Variants in DIAPH3 observed in about 807,000 individuals in gnomAD.
DIAPH3 encodes the protein diaphanous related formin 3.
A neutral mutation model predicts 144.3 loss-of-function variants in DIAPH3; 117 were observed. The ratio of observed to expected loss-of-function variants is 0.81; its 90% confidence interval spans 0.70 to 0.95. DIAPH3 has a LOEUF of 0.95. DIAPH3 is among the 40% of genes least tolerant of loss of function. DIAPH3 has a pLI of 0.00. For missense variants in DIAPH3, 1,421 were observed against 1,412.7 expected, an observed-to-expected ratio of 1.01 and a Z score of -0.09; for synonymous variants, 519 against 488.9, an observed-to-expected ratio of 1.06 and a Z score of -0.81.
intron 27 of DIAPH3, among the ~76,000 whole-genome samples, chr13:59,772,858 A>T (rs946095471): frequency 2.0e-5 from 3 of 152,082 alleles, no homozygotes; most frequent in Non-Finnish European, 4.4e-5. Context: ...ACATATACGA[A>T]ATCAAAAAAG....
intron 25 of DIAPH3, among the ~76,000 whole-genome samples, chr13:59,808,129 G>A (rs2040288283): frequency 6.6e-6 from 1 of 151,150 alleles, no homozygotes; most frequent in South Asian, 2.1e-4. Context: ...AAACTTAAAG[G>A]TGACAGAAAA....
At chr13:59,683,683 G>C (rs2033065012) in intron 27 of DIAPH3, among the ~76,000 whole-genome samples, 1 of 152,184 alleles carries the variant, frequency 6.6e-6, no homozygotes, top group Admixed American at 6.5e-5. Flanking sequence ...TTTATAACCA[G>C]AAGTCCTGAG....
intron 12 of DIAPH3, among the ~76,000 whole-genome samples, chr13:59,986,717 T>C (rs1252421850): frequency 1.4e-5 from 2 of 146,706 alleles, no homozygotes; most frequent in African/African-American, 5.0e-5. Context: ...AAAAAACACA[T>C]GAAAAAATGC....
At chr13:60,060,258 AG>A (rs2056713291) in intron 4 of DIAPH3, among the ~76,000 whole-genome samples, 1 of 152,116 alleles carries the variant, frequency 6.6e-6, no homozygotes, top group Non-Finnish European at 1.5e-5. Context: ...AAAAATAAAT[AG>A]TAGAGAGGAT....
intron 27 of DIAPH3, among the ~76,000 whole-genome samples, chr13:59,700,869 C>T (rs2034072256): frequency 6.6e-6 from 1 of 152,186 alleles, no homozygotes; most frequent in Middle Eastern, 3.4e-3. Context: ...TTCTGGCATT[C>T]GGTAATTTAT....
chr13:60,096,936 C>A (rs951098319), intron 3 of DIAPH3, among the ~76,000 whole-genome samples: 1 of 152,190 alleles, frequency 6.6e-6, no homozygotes, highest in Non-Finnish European at 1.5e-5. Context: ...TACTGTAGGA[C>A]TTCTTGCCCT....
intron 27 of DIAPH3, among the ~76,000 whole-genome samples, chr13:59,739,204 T>C (rs997376528): frequency 6.6e-6 from 1 of 152,348 alleles, no homozygotes; most frequent in African/African-American, 2.4e-5. Flanking sequence ...AATGTGATCC[T>C]TTAGAATAAT....
intron 4 of DIAPH3, among the ~76,000 whole-genome samples, chr13:60,043,029 A>G (rs948464855): frequency 6.6e-6 from 1 of 152,214 alleles, no homozygotes; most frequent in Non-Finnish European, 1.5e-5. Flanking sequence ...TAACATCAGA[A>G]GGTGTGCAAA....
chr13:60,101,191 G>T (rs1259344373), intron 3 of DIAPH3, among the ~76,000 whole-genome samples: 1 of 152,182 alleles, frequency 6.6e-6, no homozygotes, highest in African/African-American at 2.4e-5. Flanking sequence ...TTATTGAGGA[G>T]AGAGCTGAGG....
intron 14 of DIAPH3, among the ~76,000 whole-genome samples, chr13:59,977,935 C>T (rs544898189): frequency 6.6e-6 from 1 of 151,688 alleles, no homozygotes; most frequent in African/African-American, 2.4e-5. Flanking sequence ...GATATGCATC[C>T]TTCTTGGCTA....
intron 27 of DIAPH3, among the ~76,000 whole-genome samples, chr13:59,684,258 C>T (rs1000360428): frequency 5.3e-5 from 8 of 152,154 alleles, no homozygotes; most frequent in Non-Finnish European, 7.3e-5. Context: ...CTTTCTGCCA[C>T]GGAGCAACCT....
At chr13:60,095,555 T>A (rs2058082519) in intron 3 of DIAPH3, among the ~76,000 whole-genome samples, 1 of 152,074 alleles carries the variant, frequency 6.6e-6, no homozygotes, top group Admixed American at 6.6e-5. Context: ...CTTATGCTAA[T>A]TAATGAGGGC....
chr13:59,704,219 G>A (rs1439196591), intron 27 of DIAPH3, among the ~76,000 whole-genome samples: 1 of 152,112 alleles, frequency 6.6e-6, no homozygotes, highest in Non-Finnish European at 1.5e-5. Flanking sequence ...TGCCAGTCTG[G>A]CCCCACACAA....
At chr13:59,963,926 A>T (rs2049912305) in intron 17 of DIAPH3, among the ~76,000 whole-genome samples, 1 of 152,216 alleles carries the variant, frequency 6.6e-6, no homozygotes. Flanking sequence ...TTAAATTTCC[A>T]GGTGAATAAT....
chr13:59,980,858 G>C lies in DIAPH3; in HGVS notation c.1482C>G (p.Asp494Glu). 6.2e-7 allele frequency: 1 copy of C among 1,607,688 alleles called. No individual in the cohort carries two copies. Among genetic ancestry groups the C allele is most frequent in the Non-Finnish European group, 8.5e-7 (1 of 1,176,518 alleles). Reference protein sequence around the residue: ...RLDLDLTQFVDICIDQAKLEE... With the variant: ...RLDLDLTQFVEICIDQAKLEE... ...CTAGTTTTGCTTGATCTATGCAAATGTCTAAAATTGCAATGACAGGAAATT... is the reference window on the plus strand; with the variant it reads ...CTAGTTTTGCTTGATCTATGCAAATCTCTAAAATTGCAATGACAGGAAATT... Residue 494 changes from aspartate to glutamate, a missense_variant and splice_region_variant, in exon 14 of 28, where the codon GAC (aspartate) becomes GAG (glutamate). By Grantham distance (45) the Asp-to-Glu change is conservative. Transcript: ENST00000400324.
chr13:59,865,130 C>G, intron 21 of DIAPH3, among the ~76,000 whole-genome samples: 1 of 151,998 alleles, frequency 6.6e-6, no homozygotes, highest in East Asian at 1.9e-4. Flanking sequence ...CCTGCCTCAA[C>G]TACTCTATTC....
intron 19 of DIAPH3, among the ~76,000 whole-genome samples, chr13:59,913,870 A>G (rs1356778348): frequency 6.6e-6 from 1 of 152,130 alleles, no homozygotes; most frequent in Non-Finnish European, 1.5e-5. Context: ...AGGCAGAAGA[A>G]TAGCTTGAAC....
rs186465738 is a variant in DIAPH3 at position 60,020,575 on chromosome 13, G to A, written c.627-4430C>T. ...AGATCGGGTCTCACTACGTTGCCCA[G>A]GCCAGTCCAAACTCCTGGCCTCAAG... On this transcript the variant is annotated intron_variant, in intron 5 of 27. Coordinates refer to ENST00000400324, the MANE Select transcript of DIAPH3 (RefSeq NM_001042517.2). 3.9e-5 allele frequency among the ~76,000 whole-genome samples: 6 copies of A among 152,108 alleles called. No homozygotes were observed. The East Asian group carries it at 1.2e-3, about 29-fold the overall frequency.
intron 27 of DIAPH3, among the ~76,000 whole-genome samples, chr13:59,735,959 A>T (rs995865424): frequency 6.6e-6 from 1 of 152,110 alleles, no homozygotes; most frequent in Non-Finnish European, 1.5e-5. Context: ...ACCCTCTGAC[A>T]GGCCCCAGTG....
Sources: gnomAD v4.1 joint callset for allele counts (sites outside exome capture counted in the v4.1 genomes callset) on GRCh38, gnomAD v4.1.1 for gene constraint, MANE v1.5 for transcripts, NCBI Gene and HGNC (gene_info 2026-07-23, HGNC 2026-07-21) for gene names.